HIBCH: variants seen among roughly 807,000 people sequenced by gnomAD.
HIBCH encodes the protein 3-hydroxyisobutyryl-CoA hydrolase.
A neutral mutation model predicts 58.2 loss-of-function variants in HIBCH; 50 were observed. The ratio of observed to expected loss-of-function variants is 0.86; its 90% CI spans 0.68 to 1.09. The LOEUF (loss-of-function observed/expected upper bound fraction) is 1.09, where lower values mean the gene tolerates loss of function less well. Ranked by LOEUF, HIBCH falls within the 50% of genes least tolerant of loss-of-function variation. HIBCH has a pLI of 0.00. For missense variants in HIBCH, 450 were observed against 449.7 expected (o/e 1.00, Z -0.01); for synonymous variants, 151 against 146.9 (o/e 1.03, Z -0.20).
chr2:190,267,067 AT>A (rs1687263979), intron 6 of HIBCH, among the ~76,000 whole-genome samples: 1 of 151,988 alleles, frequency 6.6e-6, no homozygotes, highest in African/African-American at 2.4e-5. Flanking sequence ...AAGATTAGTC[AT>A]TTTTATTTTT....
In HIBCH at chr2:190,192,452, CTGTGTGTGTGTGTG is replaced by C. The variant is rs147936734; in HGVS notation, c.*18-2469_*18-2456del. On this transcript the variant is annotated intron_variant, in intron 1 of 1. Coordinates refer to the HIBCH transcript ENST00000399855. ...TGTGTTTCCATGTATAATTCAGAAT[CTGTGTGTGTGTGTG>C]TGTGTGTGTGTGTGTGTGTGTGTGT... 9.4e-3 allele frequency among the ~76,000 whole-genome samples: 1,364 copies of C among 145,348 alleles called. 13 individuals are homozygous for C. Among genetic ancestry groups the C allele is most frequent in the African/African-American group, 0.014 (550 of 39,066 alleles).
In HIBCH at chr2:190,279,454, C is replaced by T. The variant is rs1385968089; in HGVS notation, c.438+8132G>A. ...CTCAAAATTCCGAAGTCCAGAGTCC[C>T]ATCTGTGAAGCCTGTGTAATCAAAA... On this transcript the variant is annotated intron_variant, in intron 6 of 13. Coordinates refer to ENST00000359678, the MANE Select transcript of HIBCH (RefSeq NM_014362.4). This position sits in a 1 kb window ranked among gnomAD's most constrained non-coding sequence, Gnocchi z 4.2. 6.6e-6 allele frequency among the ~76,000 whole-genome samples: 1 copy of T among 152,180 alleles called. No homozygotes were observed.
chr2:190,201,664 A>G (rs935912200), downstream of HIBCH: 1 of 167,086 alleles, frequency 6.0e-6, no homozygotes, highest in Non-Finnish European at 1.5e-5. Context: ...TATTTGAAAT[A>G]TGCCATGTTT....
At chr2:190,223,752 G>C (rs56333001) in intron 11 of HIBCH, among the ~76,000 whole-genome samples, 11 of 152,322 alleles carry the variant, frequency 7.2e-5, no homozygotes, top group Non-Finnish European at 1.5e-4. Flanking sequence ...AAAGCTAAAG[G>C]AGCTCATGTA....
chr2:190,314,301 ATATATATGTGTATATATATG>A (rs1559068264), intron 1 of HIBCH, among the ~76,000 whole-genome samples: 1 of 18,614 alleles, frequency 5.4e-5, no homozygotes, highest in Non-Finnish European at 2.0e-4. Context: ...GTATATATAC[ATATATATGTGTATATATATG>A]TATATATGTA....
At chr2:190,219,078 T>A (rs1206783727) in intron 11 of HIBCH, among the ~76,000 whole-genome samples, 4 of 152,240 alleles carry the variant, frequency 2.6e-5, no homozygotes, top group African/African-American at 9.6e-5. Flanking sequence ...GGACTGGGAC[T>A]TGTGCCTTAG....
chr2:190,282,177 A>G (rs1299331306), intron 6 of HIBCH, among the ~76,000 whole-genome samples: 3 of 152,218 alleles, frequency 2.0e-5, no homozygotes, highest in Non-Finnish European at 1.5e-5. Flanking sequence ...AGCCACTTCC[A>G]CAATTTCAGG....
intron 11 of HIBCH, among the ~76,000 whole-genome samples, chr2:190,235,539 G>A (rs1686249864): frequency 6.6e-6 from 1 of 152,074 alleles, no homozygotes; most frequent in Admixed American, 6.5e-5. Context: ...TTAAAAACAT[G>A]AGTTCTTAAA....
Position 190,197,516 on chromosome 2 carries a change from T to G in HIBCH, c.*18-7519A>C, listed in dbSNP as rs2105885903. 6.6e-6 allele frequency among the ~76,000 whole-genome samples: 1 copy of G among 152,290 alleles called. No individual in the cohort carries two copies. The highest frequency in any genetic ancestry group is 1.9e-4 in the East Asian group (1 of 5,180). The stretch of plus-strand genomic sequence containing the variant: ...CCTCTCTTCCCAATCTTGAACTCTA[T>G]CTTATAAATTCCAGCTGTTTTAGTA... On this transcript the variant is annotated intron_variant, in intron 1 of 1. Coordinates refer to the HIBCH transcript ENST00000399855. This position sits in a 1 kb window ranked among gnomAD's most constrained non-coding sequence, Gnocchi z 4.0.
chr2:190,209,758 C>T lies in HIBCH; in HGVS notation c.1012-845G>A, dbSNP rs752045292. 6.6e-6 allele frequency among the ~76,000 whole-genome samples: 1 copy of T among 152,154 alleles called. No individual in the cohort carries two copies. The highest frequency in any genetic ancestry group is 2.4e-5 in the African/African-American group (1 of 41,426). ...AAGGATGGACTTTGCTTGATGTGGT[C>T]ATTCACTTTTATTTTCCTAGAATCA... On this transcript the variant is annotated intron_variant, in intron 12 of 13. Transcript: ENST00000359678. This position sits in a 1 kb window ranked among gnomAD's most constrained non-coding sequence, Gnocchi z 5.6.
chr2:190,247,208 C>T (rs1300376723), intron 9 of HIBCH, among the ~76,000 whole-genome samples: 1 of 151,994 alleles, frequency 6.6e-6, no homozygotes, highest in African/African-American at 2.4e-5. Context: ...TTTCTTAGTT[C>T]TAAATCAACT....
intron 11 of HIBCH, among the ~76,000 whole-genome samples, chr2:190,235,165 C>T (rs1349361032): frequency 1.3e-5 from 2 of 152,198 alleles, no homozygotes; most frequent in African/African-American, 2.4e-5. Context: ...TGAGCTTCTA[C>T]AGCCCTTCGT....
chr2:190,310,650 A>G, intron 2 of HIBCH, 104 bp downstream of exon 2: 1 of 921,806 alleles, frequency 1.1e-6, no homozygotes. Flanking sequence ...TGATGTACCT[A>G]AGGTCAAGGA....
At chr2:190,224,522 T>C (rs1465604193) in intron 11 of HIBCH, among the ~76,000 whole-genome samples, 1 of 151,688 alleles carries the variant, frequency 6.6e-6, no homozygotes, top group East Asian at 1.9e-4. Context: ...CCAACAAAGA[T>C]CAAAAGAGAC....
At chr2:190,309,558 AT>A (rs201893817) in intron 2 of HIBCH, among the ~76,000 whole-genome samples, 702 of 143,532 alleles carry the variant, frequency 4.9e-3, no homozygotes, top group Non-Finnish European at 4.8e-3. Context: ...ACTATGCTAG[AT>A]TTTTTTTTTT....
In HIBCH at chr2:190,244,935, A is replaced by G. The variant is rs753060412; in HGVS notation, c.843T>C (p.Ile281=). 1.2e-6 allele frequency: 2 copies of G among 1,611,150 alleles called. No individual in the cohort carries two copies. The highest frequency in any genetic ancestry group is 3.3e-5 in the Admixed American group (2 of 60,004). Residue 281 remains isoleucine, a synonymous_variant, in exon 11 of 14, where the codon ATT becomes ATC. Coordinates refer to ENST00000359678, the MANE Select transcript of HIBCH (RefSeq NM_014362.4). The stretch of plus-strand genomic sequence containing the variant: ...ATGAACCATCTTGCTGTAAGTTTTC[A>G]ATAATTTCTTCCACAGTATTGGCTG... The part of the protein sequence containing the change: ...CFSANTVEEI[I]ENLQQDGSSF...
In HIBCH at chr2:190,217,398, A is replaced by C. The variant is rs192021496; in HGVS notation, c.892-4323T>G. 6.3e-3 allele frequency among the ~76,000 whole-genome samples: 954 copies of C among 152,198 alleles called. 9 individuals are homozygous for C. Among genetic ancestry groups the C allele is most frequent in the African/African-American group, 0.022 (906 of 41,550 alleles). On this transcript the variant is annotated intron_variant, in intron 11 of 13. Coordinates refer to ENST00000359678, the MANE Select transcript of HIBCH (RefSeq NM_014362.4). This position sits in a 1 kb window ranked among gnomAD's most constrained non-coding sequence, Gnocchi z 4.6. ...ACTTGGGAGGCTGAGGCAGGAGAAT[A>C]GCTTGAACCCAGGAGATGGAGGTTG...
chr2:190,226,500 C>T (rs1178249625), intron 11 of HIBCH, among the ~76,000 whole-genome samples: 2 of 147,756 alleles, frequency 1.4e-5, no homozygotes, highest in Admixed American at 7.1e-5. Context: ...GAGGCTGAGG[C>T]AGGAGAATCG....
intron 6 of HIBCH, among the ~76,000 whole-genome samples, chr2:190,283,473 C>T (rs560813748): frequency 1.3e-5 from 2 of 152,308 alleles, no homozygotes; most frequent in East Asian, 3.9e-4. Context: ...CACCATTGCT[C>T]CATCTGTAAG....
Sources: gnomAD v4.1 joint callset for allele counts (sites outside exome capture counted in the v4.1 genomes callset) on GRCh38, gnomAD v4.1.1 for gene constraint, Gnocchi (gnomAD v3.1) non-coding constraint, MANE v1.5 for transcripts, NCBI Gene and HGNC (gene_info 2026-07-23, HGNC 2026-07-21) for gene names.